The following AKAP13 variants were observed in gnomAD, a reference collection of about 807,000 sequenced individuals.
The protein encoded by AKAP13 is A-kinase anchoring protein 13.
A neutral mutation model predicts 264.5 loss-of-function variants in AKAP13; 80 were observed. The ratio of observed to expected loss-of-function variants is 0.30; its 90% CI spans 0.25 to 0.36. The LOEUF is 0.36. AKAP13 is among the 10% of genes least tolerant of loss of function. The pLI, the probability that AKAP13 is intolerant of heterozygous loss-of-function variation, is 1.00. For synonymous variants in AKAP13, 1,380 were observed against 1,250.2 expected, an observed-to-expected ratio of 1.10 and a Z score of -2.19; for missense variants, 3,712 against 3,435.2, an observed-to-expected ratio of 1.08 and a Z score of -2.01.
chr15:85,451,748 G>A (rs528828938), intron 1 of AKAP13, among the ~76,000 whole-genome samples: 43 of 152,332 alleles, frequency 2.8e-4, no homozygotes, highest in African/African-American at 9.6e-4. Flanking sequence ...TTAGCCTGAT[G>A]GGGATCCCTT....
intron 12 of AKAP13, among the ~76,000 whole-genome samples, chr15:85,663,061 G>A (rs338542): frequency 0.14 from 21,748 of 152,120 alleles, 2,707 homozygotes; most frequent in East Asian, 0.37. Flanking sequence ...TGTAATCCCA[G>A]TACTTTGGGA....
intron 17 of AKAP13, among the ~76,000 whole-genome samples, chr15:85,705,955 T>C (rs1401967786): frequency 6.6e-6 from 1 of 152,262 alleles, no homozygotes; most frequent in Non-Finnish European, 1.5e-5. Flanking sequence ...TTTTGTAATT[T>C]GCTTTATTCT....
chr15:85,649,341 A>G (rs541509117), intron 10 of AKAP13, among the ~76,000 whole-genome samples: 2 of 152,332 alleles, frequency 1.3e-5, no homozygotes, highest in African/African-American at 4.8e-5. Context: ...AACCTGCTCT[A>G]ATAGCCAGTG....
chr15:85,562,574 AATATAT>A lies in AKAP13; in HGVS notation c.663-12530_663-12525del, dbSNP rs1224541443. On this transcript the variant is annotated intron_variant, in intron 5 of 36. Transcript: ENST00000394518. ...AGTGAGAATCTGCCTCAAAAAAAAA[AATATAT>A]ATATATATATATATATATATATATA... Among the ~76,000 whole-genome samples, 36 of 77,616 alleles carry A rather than the reference AATATAT, an allele frequency of 4.6e-4. 3 individuals are homozygous for A. The highest frequency in any genetic ancestry group is 3.5e-3 in the East Asian group (12 of 3,442). 50.9% of individuals were successfully genotyped at this position (77,616 alleles called of 152,430 possible).
intron 14 of AKAP13, among the ~76,000 whole-genome samples, chr15:85,674,252 G>A (rs112374426): frequency 2.0e-5 from 3 of 152,212 alleles, no homozygotes; most frequent in Admixed American, 6.5e-5. Flanking sequence ...AATCTGAAAC[G>A]TTCGAGCACC....
chr15:85,483,145 A>G (rs960508608), intron 1 of AKAP13, among the ~76,000 whole-genome samples: 7 of 152,232 alleles, frequency 4.6e-5, no homozygotes, highest in Admixed American at 2.0e-4. Flanking sequence ...ATTCAGTTAA[A>G]TTGATGTTTG....
chr15:85,402,408 T>G (rs1307871454), intron 1 of AKAP13, among the ~76,000 whole-genome samples: 1 of 152,222 alleles, frequency 6.6e-6, no homozygotes, highest in Non-Finnish European at 1.5e-5. Context: ...TGGCTGGATG[T>G]CTTTGTTCTT....
rs2089339434 is a variant in AKAP13, at chr15:85,745,375, G to C, written c.*698G>C. The C allele has an allele frequency of 6.6e-6, 1 of 151,198 alleles. No individual in the cohort carries two copies. Among genetic ancestry groups the C allele is most frequent in the African/African-American group, 2.4e-5 (1 of 41,074 alleles). The allele number at this position is 151,198 out of a possible 1,614,324, so 9.4% of individuals were successfully genotyped here. On this transcript the variant is annotated 3_prime_UTR_variant, in exon 37 of 37. Transcript: ENST00000394518. Reference sequence around the variant, plus strand: ...AAGGCTTGATGTGTATAAAAGACGTGATGTGCACCACCTCGATCTCGGTGT... The same window carrying C: ...AAGGCTTGATGTGTATAAAAGACGTCATGTGCACCACCTCGATCTCGGTGT...
chr15:85,504,978 G>T (rs2076170943), intron 2 of AKAP13, among the ~76,000 whole-genome samples: 1 of 151,804 alleles, frequency 6.6e-6, no homozygotes, highest in Admixed American at 6.6e-5. Flanking sequence ...CTCTCTGTGT[G>T]TGTGTGCGCA....
At chr15:85,453,651 G>A (rs1040296917) in intron 1 of AKAP13, among the ~76,000 whole-genome samples, 2 of 152,224 alleles carry the variant, frequency 1.3e-5, no homozygotes, top group African/African-American at 4.8e-5. Context: ...TAGAGCATGT[G>A]TGCTGTGCTG....
chr15:85,544,079 C>T (rs2077654129), intron 5 of AKAP13, 124 bp downstream of exon 5: 4 of 1,112,472 alleles, frequency 3.6e-6, no homozygotes, highest in Admixed American at 2.0e-5. Context: ...AGCTCTGTAT[C>T]TTGCCTTCTG....
At chr15:85,478,274 A>C (rs2075240671) in intron 1 of AKAP13, among the ~76,000 whole-genome samples, 1 of 152,216 alleles carries the variant, frequency 6.6e-6, no homozygotes, top group Admixed American at 6.5e-5. Context: ...TGTGCCAGGC[A>C]CATATTATAA....
chr15:85,489,036 C>T (rs2075652607), intron 2 of AKAP13, among the ~76,000 whole-genome samples: 1 of 152,142 alleles, frequency 6.6e-6, no homozygotes, highest in African/African-American at 2.4e-5. Context: ...CATCATGGAG[C>T]CTGAGAACTT....
intron 3 of AKAP13, among the ~76,000 whole-genome samples, chr15:85,526,237 T>C (rs569265884): frequency 2.6e-5 from 4 of 152,276 alleles, no homozygotes; most frequent in East Asian, 1.9e-4. Flanking sequence ...TAATATGTTA[T>C]GTCTTTCTTT....
intron 33 of AKAP13, 109 bp from the exon 34 acceptor site, chr15:85,740,113 C>A: frequency 9.3e-7 from 1 of 1,080,854 alleles, no homozygotes; most frequent in Non-Finnish European, 1.4e-6. Flanking sequence ...AAGATATAAG[C>A]ATTTAGTTGT....
At chr15:85,521,392 A>C in intron 2 of AKAP13, 36 bp from the exon 3 acceptor site, 1 of 1,607,612 alleles carries the variant, frequency 6.2e-7, no homozygotes, top group Non-Finnish European at 8.5e-7. Context: ...GAGGAACCTT[A>C]CTAATGTAAA....
chr15:85,436,769 C>T lies in AKAP13; in HGVS notation c.-11-48941C>T, dbSNP rs996110052. Among the ~76,000 whole-genome samples the T allele has an allele frequency of 7.9e-3, 1,203 of 151,922 alleles. 17 individuals carry two copies. Among genetic ancestry groups the T allele is most frequent in the African/African-American group, 0.028 (1,153 of 41,360 alleles). ...AAATAAAAATGTTCTTTGAAACCAA[C>T]GAGAACGAAGACACAACATACCAGA... On this transcript the variant is annotated intron_variant, in intron 1 of 36. Coordinates refer to ENST00000394518, the MANE Select transcript of AKAP13 (RefSeq NM_007200.5).
chr15:85,499,025 T>C (rs1376216444), intron 2 of AKAP13, among the ~76,000 whole-genome samples: 1 of 152,228 alleles, frequency 6.6e-6, no homozygotes. Flanking sequence ...TTTACATTTT[T>C]CAACACGGCT....
rs1166052013 is a variant in AKAP13, at chr15:85,708,667, G to A, written c.5532+581G>A. Among the ~76,000 whole-genome samples the A allele has an allele frequency of 1.3e-5, 2 of 152,214 alleles. No homozygotes were observed. Among genetic ancestry groups the A allele is most frequent in the Non-Finnish European group, 2.9e-5 (2 of 68,032 alleles). ...CTTTCCCAGTGGCCCTTAAAAAAAAGTGTGGGTTAAGGGCCATACCTTTTA... is the reference window on the plus strand; with the variant it reads ...CTTTCCCAGTGGCCCTTAAAAAAAAATGTGGGTTAAGGGCCATACCTTTTA... On this transcript the variant is annotated intron_variant, in intron 18 of 36. Coordinates refer to ENST00000394518, the MANE Select transcript of AKAP13 (RefSeq NM_007200.5). This position sits in a 1 kb window ranked among gnomAD's most constrained non-coding sequence, Gnocchi z 4.3.
Sources: gnomAD v4.1 joint callset for allele counts (sites outside exome capture counted in the v4.1 genomes callset) on GRCh38, gnomAD v4.1.1 for gene constraint, Gnocchi (gnomAD v3.1) non-coding constraint, MANE v1.5 for transcripts, NCBI Gene and HGNC (gene_info 2026-07-23, HGNC 2026-07-21) for gene names.